Variants in STAT4 observed in about 807,000 individuals in gnomAD.
STAT4 encodes signal transducer and activator of transcription 4.
Under a neutral mutation model 110.5 loss-of-function variants are expected in STAT4, and 42 were observed. The observed-to-expected ratio is 0.38, with a 90% CI of 0.30 to 0.49. STAT4 has a LOEUF of 0.49. Ranked by LOEUF, STAT4 falls within the 20% of genes least tolerant of loss-of-function variation. The pLI, the probability that STAT4 is intolerant of heterozygous loss-of-function variation, is 0.95. For synonymous variants in STAT4, 284 were observed against 302.2 expected (o/e 0.94, Z 0.63); for missense variants, 632 against 887.9 (o/e 0.71, Z 3.66).
chr2:191,058,165 G>A lies in STAT4; in HGVS notation c.1112+37C>T. ...GGTCTCAGGTAAAATAAATTTACAA[G>A]AGCAGCAACAAAGTTTCCACAAAGT... On this transcript the variant is annotated intron_variant, in intron 12 of 23. Transcript: ENST00000392320. This position sits in a 1 kb window ranked among gnomAD's most constrained non-coding sequence, Gnocchi z 4.3. 6.2e-7 allele frequency: 1 copy of A among 1,613,762 alleles called. No homozygotes were observed. The highest frequency in any genetic ancestry group is 8.5e-7 in the Non-Finnish European group (1 of 1,179,790).
At position 191,134,594 on chromosome 2, in the gene STAT4, T is replaced by C. The variant is rs562823237; in HGVS notation, c.273+12019A>G. Among the ~76,000 whole-genome samples the C allele has an allele frequency of 9.2e-5, 14 of 152,132 alleles. No individual in the cohort carries two copies. The South Asian group carries it at 1.9e-3, about 20-fold the overall frequency. ...TCATAGACACCACTGATGTTGTTTATAGCCAAAGAAATTACACAGAGACTA... is the reference window on the plus strand; with the variant it reads ...TCATAGACACCACTGATGTTGTTTACAGCCAAAGAAATTACACAGAGACTA... On this transcript the variant is annotated intron_variant, in intron 3 of 23. Transcript: ENST00000392320.
At chr2:191,070,105 C>T (rs3024841) in intron 5 of STAT4, among the ~76,000 whole-genome samples, 2,839 of 152,084 alleles carry the variant, frequency 0.019, 84 homozygotes, top group African/African-American at 0.063. Flanking sequence ...CCTTTTAGAA[C>T]CCTTGGGTAT....
At chr2:191,078,632 C>G (rs1348421532) in intron 3 of STAT4, among the ~76,000 whole-genome samples, 1 of 152,076 alleles carries the variant, frequency 6.6e-6, no homozygotes, top group East Asian at 1.9e-4. Flanking sequence ...GTACGTGAAC[C>G]TCAAAATAAC....
rs909908880 is a variant in STAT4 at position 191,110,866 on chromosome 2, C to A, written c.274-34541G>T. ...TGGCGCAGTCTCGTCTCACTGCAAC[C>A]TCTGCCTCCTGGGTTCAAGCGATTC... On this transcript the variant is annotated intron_variant, in intron 3 of 23. Transcript: ENST00000392320. This position sits in a 1 kb window ranked among gnomAD's most constrained non-coding sequence, Gnocchi z 4.5. Among the ~76,000 whole-genome samples the A allele has an allele frequency of 6.6e-6, 1 of 152,170 alleles. No individual in the cohort carries two copies. The highest frequency in any genetic ancestry group is 1.5e-5 in the Non-Finnish European group (1 of 68,040).
rs1000829483 is a variant in STAT4, at chr2:191,112,269, C to T, written c.273+34344G>A. On this transcript the variant is annotated intron_variant, in intron 3 of 23. Coordinates refer to ENST00000392320, the MANE Select transcript of STAT4 (RefSeq NM_003151.4). The surrounding 1 kb of genome is among the most constrained non-coding windows in gnomAD (Gnocchi z 4.3). The stretch of plus-strand genomic sequence containing the variant: ...GTGTAGACTCTGGATTCAAAGAAAA[C>T]CAAATCATATCCAAATTGTCTCATT... 3.9e-5 allele frequency among the ~76,000 whole-genome samples: 6 copies of T among 152,094 alleles called. No individual in the cohort carries two copies. The highest frequency in any genetic ancestry group is 6.5e-5 in the Admixed American group (1 of 15,270).
In STAT4 at chr2:191,059,112, T is replaced by C. The variant is rs947674637; in HGVS notation, c.1035-343A>G. Among the ~76,000 whole-genome samples the C allele has an allele frequency of 3.9e-5, 6 of 152,050 alleles. No homozygotes were observed. The South Asian group carries it at 1.2e-3, about 32-fold the overall frequency. On this transcript the variant is annotated intron_variant, in intron 10 of 23. Transcript: ENST00000392320. This position sits in a 1 kb window ranked among gnomAD's most constrained non-coding sequence, Gnocchi z 4.7. ...CAAATGTGGGTTAAATGTACAGATA[T>C]AAAAAAATTCTTATATGGCTTCATT...
chr2:191,104,047 T>A lies in STAT4; in HGVS notation c.274-27722A>T, dbSNP rs1350885606. On this transcript the variant is annotated intron_variant, in intron 3 of 23. Coordinates refer to ENST00000392320, the MANE Select transcript of STAT4 (RefSeq NM_003151.4). This position sits in a 1 kb window ranked among gnomAD's most constrained non-coding sequence, Gnocchi z 4.3. ...TAAGTGTTCTAGGTATCAAGGCCTT[T>A]GTGATAGCTTTTTGATGTACAATAC... Among the ~76,000 whole-genome samples the A allele has an allele frequency of 6.6e-6, 1 of 152,158 alleles. No individual in the cohort carries two copies. The highest frequency in any genetic ancestry group is 1.9e-4 in the East Asian group (1 of 5,198).
At chr2:191,106,823 G>A (rs994457805) in intron 3 of STAT4, among the ~76,000 whole-genome samples, 11 of 152,112 alleles carry the variant, frequency 7.2e-5, no homozygotes, top group African/African-American at 1.7e-4. Context: ...GTAAAAGTGC[G>A]ACCTATTAGA....
intron 3 of STAT4, among the ~76,000 whole-genome samples, chr2:191,092,176 G>T (rs1424163732): frequency 6.6e-6 from 1 of 152,004 alleles, no homozygotes; most frequent in East Asian, 1.9e-4. Context: ...GAGGTTGAGG[G>T]GGGCAGATCA....
chr2:191,036,120 G>A (rs1696037028), intron 17 of STAT4, 44 bp downstream of exon 17: 1 of 1,593,984 alleles, frequency 6.3e-7, no homozygotes, highest in Non-Finnish European at 8.5e-7. Context: ...AAATGCCTGA[G>A]GGCCAAAAAC....
chr2:191,136,005 G>GGA (rs1699169716), intron 3 of STAT4, among the ~76,000 whole-genome samples: 1 of 79,784 alleles, frequency 1.3e-5, no homozygotes, highest in African/African-American at 5.2e-5. Context: ...CAGCATCTCA[G>GGA]AAAAAAAAAA....
intron 18 of STAT4, 143 bp from the exon 19 acceptor site, chr2:191,034,148 T>A (rs535775902): frequency 1.6e-5 from 11 of 686,164 alleles, no homozygotes; most frequent in African/African-American, 1.3e-4. Context: ...CTTGGCCTGG[T>A]GTGGTGGCTC....
chr2:191,074,273 G>C (rs954680752), intron 4 of STAT4, among the ~76,000 whole-genome samples: 2 of 152,206 alleles, frequency 1.3e-5, no homozygotes, highest in African/African-American at 4.8e-5. Flanking sequence ...GCCATGGTTA[G>C]AAAGGTTGAT....
chr2:191,032,701 C>T lies in STAT4; in HGVS notation c.2044+257G>A, dbSNP rs914761943. Among the ~76,000 whole-genome samples the T allele has an allele frequency of 1.3e-5, 2 of 152,166 alleles. No individual in the cohort carries two copies. The highest frequency in any genetic ancestry group is 4.8e-5 in the African/African-American group (2 of 41,428). On this transcript the variant is annotated intron_variant, in intron 21 of 23. Coordinates refer to ENST00000392320, the MANE Select transcript of STAT4 (RefSeq NM_003151.4). This position sits in a 1 kb window ranked among gnomAD's most constrained non-coding sequence, Gnocchi z 4.9. ...GAGAAAACTGAAGCTCTCCAAGTGG[C>T]TATGAGAGGCCCCCATGGCCATGGT...
In STAT4 at chr2:191,039,329, C is replaced by T; in HGVS notation, c.1336-32G>A. The T allele has an allele frequency of 6.3e-7, 1 of 1,584,776 alleles. No individual in the cohort carries two copies. The highest frequency in any genetic ancestry group is 8.7e-7 in the Non-Finnish European group (1 of 1,153,366). Reference sequence around the variant, plus strand: ...TGGGGGGAAAAAAGCATAGTTATTACAGGTAGTCCCACCTTACATTGATCT... The same window carrying T: ...TGGGGGGAAAAAAGCATAGTTATTATAGGTAGTCCCACCTTACATTGATCT... On this transcript the variant is annotated intron_variant, in intron 15 of 23. Coordinates refer to ENST00000392320, the MANE Select transcript of STAT4 (RefSeq NM_003151.4). This position sits in a 1 kb window ranked among gnomAD's most constrained non-coding sequence, Gnocchi z 4.7.
chr2:191,089,488 A>C (rs1697734804), intron 3 of STAT4, among the ~76,000 whole-genome samples: 2 of 152,218 alleles, frequency 1.3e-5, no homozygotes, highest in Non-Finnish European at 1.5e-5. Context: ...CATTTTCAAA[A>C]ACAGTTTGGC....
At chr2:191,073,041 C>G in intron 5 of STAT4, 57 bp downstream of exon 5, 1 of 1,446,164 alleles carries the variant, frequency 6.9e-7, no homozygotes, top group Non-Finnish European at 9.6e-7. Context: ...GAGAATGGTG[C>G]ATAGTTATAT....
At position 191,051,486 on chromosome 2, in the gene STAT4, C is replaced by G. The variant is rs1696520766; in HGVS notation, c.1251+3004G>C. 2.0e-5 allele frequency among the ~76,000 whole-genome samples: 3 copies of G among 152,224 alleles called. No homozygotes were observed. The highest frequency in any genetic ancestry group is 6.5e-5 in the Admixed American group (1 of 15,282). On this transcript the variant is annotated intron_variant, in intron 14 of 23. Transcript: ENST00000392320. This position sits in a 1 kb window ranked among gnomAD's most constrained non-coding sequence, Gnocchi z 5.6. ...AGAGGCTAAGTGGCTTGTGCAAGCT[C>G]AGATTGCCTGAAGAGGCAAAAACCA...
At position 191,053,098 on chromosome 2, in the gene STAT4, A is replaced by G. The variant is rs1696579626; in HGVS notation, c.1251+1392T>C. Among the ~76,000 whole-genome samples, 1 of 152,194 alleles carries G rather than the reference A, an allele frequency of 6.6e-6. No individual in the cohort carries two copies. Among genetic ancestry groups the G allele is most frequent in the African/African-American group, 2.4e-5 (1 of 41,452 alleles). On this transcript the variant is annotated intron_variant, in intron 14 of 23. Transcript: ENST00000392320. The surrounding 1 kb of genome is among the most constrained non-coding windows in gnomAD (Gnocchi z 4.5). ...ATTAAATCTTTTGTGATGGATCTTT[A>G]TGGTTTTGTGAGGTGTGATAAATTG...
Sources: gnomAD v4.1 joint callset for allele counts (sites outside exome capture counted in the v4.1 genomes callset) on GRCh38, gnomAD v4.1.1 for gene constraint, Gnocchi (gnomAD v3.1) non-coding constraint, MANE v1.5 for transcripts, NCBI Gene and HGNC (gene_info 2026-07-23, HGNC 2026-07-21) for gene names.